The following UBE3A variants were observed in gnomAD, a reference collection of about 807,000 sequenced individuals.
UBE3A encodes the protein ubiquitin protein ligase E3A.
Under a neutral mutation model 83.4 loss-of-function variants are expected in UBE3A, and 6 were observed. The observed-to-expected ratio is 0.07, with a 90% CI of 0.04 to 0.14. The LOEUF is 0.14. UBE3A is among the 10% of genes least tolerant of loss of function. The probability of loss-of-function intolerance (pLI) is 1.00; values close to 1 mark genes in which losing one functional copy is unlikely to be tolerated. For missense variants in UBE3A, 456 were observed against 1,036.1 expected, an observed-to-expected ratio of 0.44 and a Z score of 7.69; for synonymous variants, 337 against 355.4, an observed-to-expected ratio of 0.95 and a Z score of 0.58.
At chr15:25,430,867 T>C (rs1359004232) in intron 1 of UBE3A, among the ~76,000 whole-genome samples, 1 of 152,140 alleles carries the variant, frequency 6.6e-6, no homozygotes, top group Admixed American at 6.5e-5. Flanking sequence ...TCCCCCAGCC[T>C]TTCATTCAGC....
At chr15:25,422,900 A>T (rs1890248966) in intron 1 of UBE3A, among the ~76,000 whole-genome samples, 1 of 151,534 alleles carries the variant, frequency 6.6e-6, no homozygotes, top group African/African-American at 2.4e-5. Flanking sequence ...TGGGAAGCTG[A>T]GGCAGGAGGA....
intron 1 of UBE3A, among the ~76,000 whole-genome samples, chr15:25,425,514 G>C (rs1185471815): frequency 6.6e-6 from 1 of 151,826 alleles, no homozygotes; most frequent in Non-Finnish European, 1.5e-5. Flanking sequence ...TTTAAATACT[G>C]CCTCCCCAAA....
intron 4 of UBE3A, among the ~76,000 whole-genome samples, chr15:25,387,340 TG>T (rs1300453658): frequency 2.6e-5 from 4 of 151,968 alleles, no homozygotes; most frequent in African/African-American, 9.7e-5. Context: ...GCTAACACAG[TG>T]AAACCCCGTC....
At chr15:25,411,226 C>T (rs1223928881) in intron 2 of UBE3A, among the ~76,000 whole-genome samples, 1 of 152,186 alleles carries the variant, frequency 6.6e-6, no homozygotes, top group Non-Finnish European at 1.5e-5. Flanking sequence ...GATAATAGTA[C>T]CTATTCCATA....
At position 25,354,639 on chromosome 15, in the gene UBE3A, T is replaced by C; in HGVS notation, c.2169A>G (p.Val723=). The C allele has an allele frequency of 6.2e-7, 1 of 1,613,582 alleles. No homozygotes were observed. Among genetic ancestry groups the C allele is most frequent in the Non-Finnish European group, 8.5e-7 (1 of 1,179,790 alleles). ...LYSDYILNKS[V]EKQFKAFRRG... ...TCCGAAAAGCCTTGAACTGTTTTTCTACTGATTTATTGAGAATGTAGTCAG... is the reference window on the plus strand; with the variant it reads ...TCCGAAAAGCCTTGAACTGTTTTTCCACTGATTTATTGAGAATGTAGTCAG... Residue 723 remains valine, a synonymous_variant, in exon 10 of 13, where the codon GTA becomes GTG. Transcript: ENST00000648336.
Position 25,391,307 on chromosome 15 carries a change from C to CA in UBE3A, c.62+14153dup, listed in dbSNP as rs1440112533. 3.9e-5 allele frequency among the ~76,000 whole-genome samples: 6 copies of CA among 152,088 alleles called. No homozygotes were observed. The South Asian group carries it at 6.2e-4, about 16-fold the overall frequency. ...AGCCAAAACAGTCAAATTTTAGAGG[C>CA]AAAAAGTAGAATGGCATTTGCCAAG... On this transcript the variant is annotated intron_variant, in intron 4 of 12. Transcript: ENST00000648336.
chr15:25,416,627 T>C (rs577998606), intron 1 of UBE3A, among the ~76,000 whole-genome samples: 19 of 143,402 alleles, frequency 1.3e-4, no homozygotes, highest in African/African-American at 4.3e-4. Context: ...TAGAAGTGTA[T>C]AGCTTAAAAC....
At chr15:25,383,564 G>A (rs1224185296) in intron 4 of UBE3A, among the ~76,000 whole-genome samples, 7 of 152,124 alleles carry the variant, frequency 4.6e-5, no homozygotes, top group Non-Finnish European at 8.8e-5. Context: ...TTGAGAACCC[G>A]GGAGGCGGAG....
At chr15:25,380,026 AC>A (rs1346651612) in intron 4 of UBE3A, among the ~76,000 whole-genome samples, 1 of 151,734 alleles carries the variant, frequency 6.6e-6, no homozygotes, top group Non-Finnish European at 1.5e-5. Context: ...TGTAGGAGTG[AC>A]CCCCTGGGAG....
At chr15:25,421,729 T>C (rs1596418070) in intron 1 of UBE3A, among the ~76,000 whole-genome samples, 1 of 152,140 alleles carries the variant, frequency 6.6e-6, no homozygotes, top group Admixed American at 6.6e-5. Flanking sequence ...TTGTGTATTT[T>C]AGTACCACTT....
intron 4 of UBE3A, among the ~76,000 whole-genome samples, chr15:25,381,451 C>A (rs1250281937): frequency 2.0e-5 from 3 of 151,576 alleles, no homozygotes; most frequent in Non-Finnish European, 4.4e-5. Flanking sequence ...CTGTGAGATG[C>A]AATATAAAAA....
At position 25,371,050 on chromosome 15, in the gene UBE3A, A is replaced by G; in HGVS notation, c.1124T>C (p.Val375Ala). The G allele has an allele frequency of 6.2e-7, 1 of 1,613,958 alleles. No individual in the cohort carries two copies. Among genetic ancestry groups the G allele is most frequent in the Non-Finnish European group, 8.5e-7 (1 of 1,179,902 alleles). ...IVAASKCLKM[V>A]YYANVVGGEV... ...CCCTCCCACTACATTTGCATAGTAAACCATTTTCAAGCACTTCGAAGCAGC... is the reference window on the plus strand; with the variant it reads ...CCCTCCCACTACATTTGCATAGTAAGCCATTTTCAAGCACTTCGAAGCAGC... Residue 375 changes from valine (V) to alanine (A), a missense_variant, in exon 6 of 13, where the codon GTT (valine) becomes GCT (alanine). Around this residue, in one of 13 missense-constraint regions of UBE3A, gnomAD observed 85 missense variants for 137.0 expected, o/e 0.62. Transcript: ENST00000648336. This position sits in a 1 kb window ranked among gnomAD's most constrained non-coding sequence, Gnocchi z 5.3.
At chr15:25,361,733 T>C (rs889664073) in intron 6 of UBE3A, among the ~76,000 whole-genome samples, 7 of 152,180 alleles carry the variant, frequency 4.6e-5, no homozygotes, top group African/African-American at 1.7e-4. Context: ...CAAACATCTG[T>C]TGGCTGGTTA....
intron 4 of UBE3A, among the ~76,000 whole-genome samples, chr15:25,378,955 C>T (rs544387464): frequency 3.9e-5 from 6 of 152,232 alleles, no homozygotes; most frequent in African/African-American, 1.4e-4. Context: ...GACATTCCCA[C>T]TTTAGAGGGG....
intron 1 of UBE3A, among the ~76,000 whole-genome samples, chr15:25,425,191 G>A (rs1446346797): frequency 6.6e-6 from 1 of 152,110 alleles, no homozygotes; most frequent in Non-Finnish European, 1.5e-5. Context: ...ACCATGGTAA[G>A]TAAAAGAACC....
At chr15:25,403,981 A>T (rs1157353896) in intron 4 of UBE3A, among the ~76,000 whole-genome samples, 2 of 152,200 alleles carry the variant, frequency 1.3e-5, no homozygotes, top group African/African-American at 4.8e-5. Flanking sequence ...ATGGGTACAG[A>T]GTTTCAGTTC....
intron 1 of UBE3A, among the ~76,000 whole-genome samples, chr15:25,426,029 A>T (rs1003439278): frequency 1.8e-5 from 1 of 55,684 alleles, no homozygotes; most frequent in Non-Finnish European, 5.8e-5. Flanking sequence ...GGTTCTTTGA[A>T]ATTTTTTTTT....
In UBE3A at chr15:25,334,696, C is replaced by T. The variant is rs1349647732; in HGVS notation, c.*4441G>A. 3 of 151,700 alleles carry T rather than the reference C, an allele frequency of 2.0e-5. No individual in the cohort carries two copies. The highest frequency in any genetic ancestry group is 1.9e-4 in the East Asian group (1 of 5,184). The allele number at this position is 151,700 out of a possible 1,614,324, so 9.4% of individuals were successfully genotyped here. A position where few individuals can be genotyped will look rare whatever the true frequency, so the allele number is the denominator to read the frequency against. On this transcript the variant is annotated 3_prime_UTR_variant, in exon 13 of 13. Transcript: ENST00000648336. ...TCAAGACAGTGCGGTGCTGGTATAA[C>T]GACAGACATATAGGGCAATGGAGTA... is the stretch of plus-strand genomic sequence containing the variant.
intron 2 of UBE3A, among the ~76,000 whole-genome samples, chr15:25,409,849 T>C (rs978335241): frequency 2.6e-5 from 4 of 151,970 alleles, no homozygotes; most frequent in Non-Finnish European, 5.9e-5. Flanking sequence ...CACACACACA[T>C]AAACACAAAG....
Sources: gnomAD v4.1 joint callset for allele counts (sites outside exome capture counted in the v4.1 genomes callset) on GRCh38, gnomAD v4.1.1 for gene constraint, gnomAD v4.1.1 regional missense constraint, Gnocchi (gnomAD v3.1) non-coding constraint, MANE v1.5 for transcripts, NCBI Gene and HGNC (gene_info 2026-07-23, HGNC 2026-07-21) for gene names.